Variants in LPAR1 observed in about 807,000 individuals in gnomAD.
LPAR1 encodes LPA receptor 1.
In LPAR1, 5 loss-of-function variants were observed where a neutral mutation model predicts 23.8. That is an observed-to-expected ratio of 0.21 (90% CI 0.11 to 0.44). LPAR1 has a LOEUF of 0.44. Ranked by LOEUF, LPAR1 falls within the 20% of genes least tolerant of loss-of-function variation. The pLI is 0.99. For missense variants in LPAR1, 311 were observed against 482.8 expected (o/e 0.64, Z 3.33); for synonymous variants, 160 against 164.7 (o/e 0.97, Z 0.22).
intron 2 of LPAR1, among the ~76,000 whole-genome samples, chr9:111,024,896 T>C: frequency 6.6e-6 from 1 of 152,224 alleles, no homozygotes; most frequent in East Asian, 1.9e-4. Context: ...TTTTTATGGC[T>C]GCATAGTATT....
intron 5 of LPAR1, among the ~76,000 whole-genome samples, chr9:110,907,978 A>T (rs1432342277): frequency 6.6e-6 from 1 of 151,546 alleles, no homozygotes; most frequent in African/African-American, 2.4e-5. Context: ...TTTCAGGGAA[A>T]AGCTAAAACA....
At chr9:110,885,931 C>T (rs2082243217) in intron 5 of LPAR1, among the ~76,000 whole-genome samples, 1 of 151,762 alleles carries the variant, frequency 6.6e-6, no homozygotes, top group Non-Finnish European at 1.5e-5. Flanking sequence ...GGCGTGGTGG[C>T]TCATGCCTGT....
upstream of LPAR1, chr9:111,038,675 CT>C (rs1327994628): frequency 1.1e-5 from 5 of 454,800 alleles, no homozygotes; most frequent in Non-Finnish European, 2.2e-5. The surrounding 1 kb of genome is among the most constrained non-coding windows in gnomAD (Gnocchi z 4.4). Flanking sequence ...CCCAGCGCCC[CT>C]GACCTCTGCG....
intron 4 of LPAR1, among the ~76,000 whole-genome samples, chr9:110,959,433 C>T (rs891983326): frequency 4.6e-5 from 7 of 151,468 alleles, no homozygotes; most frequent in Admixed American, 6.6e-5. Flanking sequence ...CTGGGCAACA[C>T]GGTGAAACCC....
At chr9:110,939,950 C>T (rs1353501041) in intron 5 of LPAR1, among the ~76,000 whole-genome samples, 1 of 152,174 alleles carries the variant, frequency 6.6e-6, no homozygotes, top group Non-Finnish European at 1.5e-5. Flanking sequence ...ACAAAAATAG[C>T]ATCCATGGTA....
At chr9:110,954,601 G>A (rs2095674507) in intron 4 of LPAR1, among the ~76,000 whole-genome samples, 2 of 151,996 alleles carry the variant, frequency 1.3e-5, no homozygotes, top group African/African-American at 4.8e-5. Context: ...CACTTATAAG[G>A]GAACCCTCAT....
At chr9:110,940,404 T>C (rs756903509) in intron 5 of LPAR1, among the ~76,000 whole-genome samples, 88 of 152,350 alleles carry the variant, frequency 5.8e-4, no homozygotes, top group Non-Finnish European at 7.1e-4. Context: ...AAAAATGCTA[T>C]ATAAATTGGA....
intron 5 of LPAR1, among the ~76,000 whole-genome samples, chr9:110,940,201 G>A (rs2094998484): frequency 1.3e-5 from 2 of 152,204 alleles, no homozygotes; most frequent in Admixed American, 1.3e-4. Flanking sequence ...GTCTACAAGA[G>A]GGTCAACAAT....
intron 5 of LPAR1, among the ~76,000 whole-genome samples, chr9:110,923,771 G>T (rs1371249109): frequency 6.6e-6 from 1 of 152,158 alleles, no homozygotes; most frequent in African/African-American, 2.4e-5. Flanking sequence ...GACTCTGCTG[G>T]TATGCAGTAG....
At chr9:110,929,992 GCTGC>G (rs1450502731) in intron 5 of LPAR1, among the ~76,000 whole-genome samples, 2 of 152,092 alleles carry the variant, frequency 1.3e-5, no homozygotes, top group Non-Finnish European at 2.9e-5. Context: ...AGATGAAACA[GCTGC>G]CTGTGAATTC....
intron 2 of LPAR1, among the ~76,000 whole-genome samples, chr9:110,981,285 G>C (rs576643236): frequency 1.3e-5 from 2 of 152,184 alleles, no homozygotes; most frequent in East Asian, 3.9e-4. Flanking sequence ...CAGTACGCTA[G>C]GGAATCCAAC....
At chr9:110,905,458 G>GT (rs962575527) in intron 5 of LPAR1, among the ~76,000 whole-genome samples, 4 of 151,224 alleles carry the variant, frequency 2.6e-5, no homozygotes, top group African/African-American at 9.7e-5. Flanking sequence ...CGATTCTCCT[G>GT]TTTCACCTTC....
At chr9:110,925,446 A>G (rs1799120558) in intron 5 of LPAR1, among the ~76,000 whole-genome samples, 1 of 152,102 alleles carries the variant, frequency 6.6e-6, no homozygotes, top group Non-Finnish European at 1.5e-5. Flanking sequence ...ATCCTGATAG[A>G]TGACAGTTTA....
intron 5 of LPAR1, among the ~76,000 whole-genome samples, chr9:110,886,687 C>T (rs1205613165): frequency 2.0e-5 from 3 of 152,062 alleles, no homozygotes; most frequent in Non-Finnish European, 2.9e-5. Flanking sequence ...AACAATGGTA[C>T]CACATATATT....
chr9:110,909,786 C>T (rs1183039538), intron 5 of LPAR1, among the ~76,000 whole-genome samples: 1 of 151,000 alleles, frequency 6.6e-6, no homozygotes, highest in Non-Finnish European at 1.5e-5. Flanking sequence ...GGCTCTGTTG[C>T]CCTGACTAGA....
intron 2 of LPAR1, among the ~76,000 whole-genome samples, chr9:111,000,884 G>T (rs943585936): frequency 2.0e-5 from 3 of 152,074 alleles, no homozygotes; most frequent in Non-Finnish European, 4.4e-5. Context: ...CAGAGAGGTC[G>T]GTCATTTTGG....
At chr9:111,005,690 A>G (rs1395015634) in intron 2 of LPAR1, among the ~76,000 whole-genome samples, 1 of 151,954 alleles carries the variant, frequency 6.6e-6, no homozygotes, top group Non-Finnish European at 1.5e-5. Context: ...ATTTACCAAC[A>G]AAACTACCTG....
chr9:110,955,779 T>TA (rs544148837), intron 4 of LPAR1, among the ~76,000 whole-genome samples: 63 of 147,574 alleles, frequency 4.3e-4, no homozygotes, highest in African/African-American at 9.9e-4. Context: ...TACATGGAAT[T>TA]AAAAAAAATA....
At position 111,031,393 on chromosome 9, in the gene LPAR1, TAAAAAAAAAAAAAGAAA is replaced by T. The variant is rs2097791335; in HGVS notation, c.-182+4712_-182+4728del. ...GTAATGTAGTGAGAGCCCATTTCTTTAAAAAAAAAAAAAGAAAAAAAAAAAGAAAAGAAAAAGAAAGA... is the reference window on the plus strand; with the variant it reads ...GTAATGTAGTGAGAGCCCATTTCTTTAAAAAAAAGAAAAGAAAAAGAAAGA... On this transcript the variant is annotated intron_variant, in intron 2 of 5. Coordinates refer to ENST00000683809, the MANE Select transcript of LPAR1 (RefSeq NM_001351411.2). 8.7e-5 allele frequency among the ~76,000 whole-genome samples: 9 copies of T among 103,746 alleles called. No individual in the cohort carries two copies. In the South Asian group the frequency reaches 2.5e-3, roughly 28 times the overall value. The allele number at this position is 103,746 out of a possible 152,430, so 68.1% of individuals were successfully genotyped here. A position where few individuals can be genotyped will look rare whatever the true frequency, so the allele number is the denominator to read the frequency against.
Sources: gnomAD v4.1 joint callset for allele counts (sites outside exome capture counted in the v4.1 genomes callset) on GRCh38, gnomAD v4.1.1 for gene constraint, Gnocchi (gnomAD v3.1) non-coding constraint, MANE v1.5 for transcripts, NCBI Gene and HGNC (gene_info 2026-07-23, HGNC 2026-07-21) for gene names.